SPECC1: variants seen among roughly 807,000 people sequenced by gnomAD.
The protein encoded by SPECC1 is sperm antigen with calponin homology and coiled-coil domains 1, also known as cytospin-B.
Under a neutral mutation model 104.1 loss-of-function variants are expected in SPECC1, and 62 were observed. The ratio of observed to expected loss-of-function variants is 0.60; its 90% CI spans 0.49 to 0.74. The LOEUF (loss-of-function observed/expected upper bound fraction) is 0.74. Among genes scored for constraint, SPECC1 ranks in the 30% least tolerant of loss-of-function variants. SPECC1 has a pLI of 0.00. For missense variants in SPECC1, 1,306 were observed against 1,310.5 expected, an observed-to-expected ratio of 1.00 and a Z score of 0.05; for synonymous variants, 513 against 501.6, an observed-to-expected ratio of 1.02 and a Z score of -0.30.
chr17:20,303,875 C>T (rs1053833790), intron 13 of SPECC1, among the ~76,000 whole-genome samples: 3 of 152,010 alleles, frequency 2.0e-5, no homozygotes, highest in Non-Finnish European at 4.4e-5. Context: ...ACTGGTTGAA[C>T]CCAAGAGGCA....
intron 3 of SPECC1, among the ~76,000 whole-genome samples, chr17:20,190,503 G>A (rs1425826091): frequency 6.6e-6 from 1 of 152,004 alleles, no homozygotes; most frequent in African/African-American, 2.4e-5. Context: ...CTTTTTTAAA[G>A]AGCAGTTTTA....
intron 1 of SPECC1, among the ~76,000 whole-genome samples, chr17:20,053,259 A>G (rs1014064506): frequency 2.0e-5 from 3 of 152,028 alleles, no homozygotes; most frequent in African/African-American, 7.2e-5. Flanking sequence ...TTACCTTTCA[A>G]TTCCTCCTTA....
intron 12 of SPECC1, among the ~76,000 whole-genome samples, chr17:20,271,233 A>C (rs2040395871): frequency 6.6e-6 from 1 of 150,838 alleles, no homozygotes; most frequent in Non-Finnish European, 1.5e-5. Flanking sequence ...TTTGTCATTT[A>C]CCTCTACGTT....
Position 20,248,483 on chromosome 17 carries a change from G to A in SPECC1, c.2598+1164G>A, listed in dbSNP as rs116989557. The stretch of plus-strand genomic sequence containing the variant: ...TGTATTTGACCTGTTCCAGCATGTC[G>A]AAAAACTTGATAGACACATTGCCCT... On this transcript the variant is annotated intron_variant, in intron 9 of 14. Coordinates refer to ENST00000395527, the MANE Select transcript of SPECC1 (RefSeq NM_001243439.2). Among the ~76,000 whole-genome samples the A allele has an allele frequency of 4.3e-3, 653 of 152,242 alleles. 10 individuals are homozygous for A. Among genetic ancestry groups the A allele is most frequent in the East Asian group, 0.041 (214 of 5,180 alleles).
chr17:20,170,936 T>C (rs2034042304), intron 3 of SPECC1, among the ~76,000 whole-genome samples: 1 of 152,230 alleles, frequency 6.6e-6, no homozygotes, highest in South Asian at 2.1e-4. Context: ...TCTCTTTCTC[T>C]AATTGGTCCT....
intron 2 of SPECC1, among the ~76,000 whole-genome samples, chr17:20,101,837 A>G (rs1046737531): frequency 2.6e-5 from 4 of 152,238 alleles, no homozygotes; most frequent in Non-Finnish European, 5.9e-5. Context: ...GCGGTGTCCA[A>G]CCATAACATG....
intron 4 of SPECC1, among the ~76,000 whole-genome samples, chr17:20,206,198 T>C (rs1567940196): frequency 6.6e-6 from 1 of 152,130 alleles, no homozygotes; most frequent in Non-Finnish European, 1.5e-5. Context: ...ATGCCCAGGC[T>C]CTAGTCTAGT....
chr17:20,302,262 A>G (rs755222152), intron 13 of SPECC1, among the ~76,000 whole-genome samples: 9 of 152,186 alleles, frequency 5.9e-5, no homozygotes, highest in Non-Finnish European at 1.0e-4. Context: ...CAGGTTGGGC[A>G]CTTAGGCTGT....
chr17:20,234,152 A>G (rs2038765557), intron 7 of SPECC1, among the ~76,000 whole-genome samples: 2 of 152,098 alleles, frequency 1.3e-5, no homozygotes, highest in South Asian at 4.1e-4. Context: ...TGCATCTTCA[A>G]TCTTAACGTC....
At chr17:20,044,188 G>C (rs570390035) in intron 1 of SPECC1, among the ~76,000 whole-genome samples, 1 of 152,084 alleles carries the variant, frequency 6.6e-6, no homozygotes, top group African/African-American at 2.4e-5. Flanking sequence ...GCCCTGGGCA[G>C]ATTATTCAGT....
In SPECC1 at chr17:20,232,244, C is replaced by G; in HGVS notation, c.2190C>G (p.Thr730=). 1 of 1,614,130 alleles carries G rather than the reference C, an allele frequency of 6.2e-7. No individual in the cohort carries two copies. Among genetic ancestry groups the G allele is most frequent in the Non-Finnish European group, 8.5e-7 (1 of 1,180,030 alleles). Residue 730 remains threonine, a synonymous_variant, in exon 7 of 15, where the codon ACC becomes ACG. Transcript: ENST00000395527. ...GGCGGTTCCAGGCGGATCTGCAGAC[C>G]GCAGTGGTGGTGGCCAATGACATCA... ...EWRRFQADLQ[T]AVVVANDIKC...
intron 1 of SPECC1, among the ~76,000 whole-genome samples, chr17:20,043,796 C>G (rs928850222): frequency 6.6e-6 from 1 of 152,102 alleles, no homozygotes; most frequent in African/African-American, 2.4e-5. Flanking sequence ...GAAGAGTTTT[C>G]TAAGGGAAGA....
chr17:20,062,880 G>T (rs189452913), intron 1 of SPECC1, among the ~76,000 whole-genome samples: 2 of 152,026 alleles, frequency 1.3e-5, no homozygotes, highest in African/African-American at 4.8e-5. Context: ...TGGAGACAGG[G>T]TTTCGTCATG....
At chr17:20,186,405 C>A (rs1364323964) in intron 3 of SPECC1, among the ~76,000 whole-genome samples, 2 of 152,158 alleles carry the variant, frequency 1.3e-5, no homozygotes, top group Non-Finnish European at 2.9e-5. Flanking sequence ...GGAGAAATGA[C>A]ACTGATAGAC....
intron 3 of SPECC1, among the ~76,000 whole-genome samples, chr17:20,162,811 C>T (rs529929244): frequency 5.2e-4 from 79 of 152,192 alleles, no homozygotes; most frequent in African/African-American, 1.8e-3. Flanking sequence ...GCGGATCACC[C>T]GAAGTTGGGA....
chr17:20,279,456 G>A (rs191591755), intron 12 of SPECC1, among the ~76,000 whole-genome samples: 78 of 151,878 alleles, frequency 5.1e-4, no homozygotes, highest in African/African-American at 1.8e-3. Context: ...CCGAGTAGCT[G>A]GGATTGCAGG....
At chr17:20,268,737 A>G (rs1245634423) in intron 12 of SPECC1, among the ~76,000 whole-genome samples, 3 of 152,180 alleles carry the variant, frequency 2.0e-5, no homozygotes, top group Admixed American at 6.5e-5. Context: ...ACCTGTGACA[A>G]CAGTGGAGTT....
chr17:20,144,772 A>G (rs1343266298), intron 3 of SPECC1, among the ~76,000 whole-genome samples: 2 of 152,160 alleles, frequency 1.3e-5, no homozygotes, highest in Non-Finnish European at 1.5e-5. Context: ...GCCTGGCTCA[A>G]TGAAGATTTT....
chr17:20,116,670 CT>C (rs1383956134), intron 3 of SPECC1, among the ~76,000 whole-genome samples: 1 of 152,026 alleles, frequency 6.6e-6, no homozygotes, highest in African/African-American at 2.4e-5. Flanking sequence ...TCCTTTTCAT[CT>C]TGATTCAGTG....
Sources: allele counts gnomAD v4.1 joint callset (sites outside exome capture counted in the v4.1 genomes callset), GRCh38; gene constraint gnomAD v4.1.1; transcripts MANE v1.5; gene names NCBI Gene and HGNC (gene_info 2026-07-23, HGNC 2026-07-21).